The following GSTM4 variants were observed in gnomAD, a reference collection of about 807,000 sequenced individuals.
GSTM4 encodes glutathione S-transferase mu 4, also known as GST class-mu 4.
Under a neutral mutation model 30.1 loss-of-function variants are expected in GSTM4, and 27 were observed. The observed-to-expected ratio is 0.90, with a 90% confidence interval of 0.66 to 1.24. The LOEUF is 1.24. Ranked by LOEUF, GSTM4 falls within the 50% of genes most tolerant of loss-of-function variation. GSTM4 has a pLI of 0.00. For synonymous variants in GSTM4, 94 were observed against 96.2 expected (o/e 0.98, Z 0.13); for missense variants, 238 against 272.1 (o/e 0.87, Z 0.88).
downstream of GSTM4, chr1:109,665,232 C>T (rs749539427): frequency 4.8e-6 from 3 of 624,744 alleles, no homozygotes; most frequent in Non-Finnish European, 8.7e-6. Flanking sequence ...TGAATTTGAC[C>T]TCTCTGACTG....
chr1:109,661,615 G>T lies in GSTM4; in HGVS notation c.*361G>T. ...GCCCTGAGCTGTCCCCGTGTTGCATGACAGCATTGACTGGTTTACAGGCCC... is the reference window on the plus strand; with the variant it reads ...GCCCTGAGCTGTCCCCGTGTTGCATTACAGCATTGACTGGTTTACAGGCCC... On this transcript the variant is annotated 3_prime_UTR_variant, in exon 8 of 8. Transcript: ENST00000369836. 1 of 1,209,812 alleles carries T rather than the reference G, an allele frequency of 8.3e-7. No homozygotes were observed. Among genetic ancestry groups the T allele is most frequent in the African/African-American group, 1.5e-5 (1 of 65,494 alleles). 74.9% of individuals were successfully genotyped at this position (1,209,812 alleles called of 1,614,324 possible).
At chr1:109,667,708 G>A (rs1400074373), downstream of GSTM4, among the ~76,000 whole-genome samples, 2 of 152,156 alleles carry the variant, frequency 1.3e-5, no homozygotes, top group Non-Finnish European at 2.9e-5. Flanking sequence ...GAATCCCTGA[G>A]CACCAAATGT....
At position 109,656,460 on chromosome 1, in the gene GSTM4, G is replaced by T. The variant is rs199539254; in HGVS notation, c.36+35G>T. On this transcript the variant is annotated intron_variant, in intron 1 of 7. Transcript: ENST00000369836. ...GGTCCGCTGCACTGTGGGACCGGGC[G>T]CGTGGGCGGGAAGTGCCGAGCGGCT... is the stretch of plus-strand genomic sequence containing the variant. 9,261 of 1,612,896 alleles carry T rather than the reference G, an allele frequency of 5.7e-3. 38 individuals are homozygous for T. The highest frequency in any genetic ancestry group is 6.9e-3 in the Non-Finnish European group (8,166 of 1,178,902).
At chr1:109,659,423 G>A in intron 7 of GSTM4, 1 of 1,360,902 alleles carries the variant, frequency 7.3e-7, no homozygotes, top group Non-Finnish European at 9.7e-7. Context: ...ATCTATGGGT[G>A]GCAGTCAGGG....
At chr1:109,658,721 C>T (rs1652153191) in intron 5 of GSTM4, 93 bp from the exon 6 acceptor site, 10 of 866,724 alleles carry the variant, frequency 1.2e-5, no homozygotes, top group African/African-American at 1.6e-5. Context: ...GCTGCTTGCT[C>T]GTGGCCAGCT....
At chr1:109,660,488 G>T (rs1015714845) in intron 7 of GSTM4, 5 of 154,144 alleles carry the variant, frequency 3.2e-5, no homozygotes, top group African/African-American at 9.6e-5. Flanking sequence ...GGAATGATTA[G>T]AGCCTGGTCT....
downstream of GSTM4, among the ~76,000 whole-genome samples, chr1:109,664,577 C>G (rs1647237333): frequency 6.6e-6 from 1 of 151,596 alleles, no homozygotes; most frequent in African/African-American, 2.4e-5. Context: ...CCAGGCTGGT[C>G]TCGAACTCCT....
intron 1 of GSTM4, 125 bp downstream of exon 1, chr1:109,656,550 C>CTG (rs57680849): frequency 0.091 from 47,764 of 522,698 alleles, 310 homozygotes; most frequent in East Asian, 0.19. Flanking sequence ...CTGTGCATGC[C>CTG]TGTGTGTGTG....
chr1:109,665,118 AG>A, downstream of GSTM4: 3 of 875,528 alleles, frequency 3.4e-6, no homozygotes, highest in South Asian at 3.9e-5. Flanking sequence ...TGTTTCCAGA[AG>A]AGATTTGCCT....
chr1:109,660,767 G>A (rs113660460), intron 7 of GSTM4: 280 of 215,040 alleles, frequency 1.3e-3, no homozygotes, highest in Non-Finnish European at 2.0e-3. Flanking sequence ...ACCAGTCTAC[G>A]TTGCAGCTCT....
rs1389910415 is a variant in GSTM4, at chr1:109,658,911, T to A, written c.456+2T>A. The A allele has an allele frequency of 2.5e-6, 4 of 1,612,640 alleles. No homozygotes were observed. The highest frequency in any genetic ancestry group is 1.7e-6 in the Non-Finnish European group (2 of 1,178,714). On this transcript the variant is annotated splice_donor_variant, in intron 6 of 7. Transcript: ENST00000369836. LOFTEE classifies it high-confidence loss of function. Reference sequence around the variant, plus strand: ...AGGCCATGGTTTGTTGGAGACAAGGTAATGGGGGCATGTGATGAGGACACT... The same window carrying A: ...AGGCCATGGTTTGTTGGAGACAAGGAAATGGGGGCATGTGATGAGGACACT...
At chr1:109,664,312 A>G (rs1419471786), downstream of GSTM4, among the ~76,000 whole-genome samples, 1 of 136,646 alleles carries the variant, frequency 7.3e-6, no homozygotes, top group Non-Finnish European at 1.5e-5. Flanking sequence ...TGGTATTATC[A>G]TAGATAAATT....
chr1:109,658,131 C>G (rs1160225134), intron 5 of GSTM4: 2 of 492,282 alleles, frequency 4.1e-6, no homozygotes, highest in Non-Finnish European at 7.4e-6. Context: ...ACCTCTGACC[C>G]CTGACCTCTG....
intron 5 of GSTM4, 152 bp from the exon 6 acceptor site, chr1:109,658,662 T>C: frequency 1.5e-6 from 1 of 673,122 alleles, no homozygotes; most frequent in South Asian, 1.8e-5. Context: ...TGGAGTGTAA[T>C]AAATGCTGGT....
At chr1:109,658,735 G>A in intron 5 of GSTM4, 79 bp from the exon 6 acceptor site, 1 of 1,009,440 alleles carries the variant, frequency 9.9e-7, no homozygotes, top group South Asian at 1.3e-5. Context: ...GCCAGCTGGG[G>A]CCATACACAG....
rs561158838 is a variant in GSTM4, at chr1:109,661,507, A to G, written c.*253A>G. ...CCCTCCCAACACTACCCTTCCCTGC[A>G]CTAAAGCCAGCCTGACCTTCCTTCC... is the stretch of plus-strand genomic sequence containing the variant. On this transcript the variant is annotated 3_prime_UTR_variant, in exon 8 of 8. Coordinates refer to ENST00000369836, the MANE Select transcript of GSTM4 (RefSeq NM_000850.5). The G allele has an allele frequency of 1.5e-6, 2 of 1,358,322 alleles. No homozygotes were observed. Among genetic ancestry groups the G allele is most frequent in the African/African-American group, 1.5e-5 (1 of 68,488 alleles). 84.1% of individuals were successfully genotyped at this position (1,358,322 alleles called of 1,614,324 possible).
Position 109,658,883 on chromosome 1 carries a change from A to G in GSTM4, c.430A>G (p.Lys144Glu). 1 of 1,613,978 alleles carries G rather than the reference A, an allele frequency of 6.2e-7. No individual in the cohort carries two copies. The highest frequency in any genetic ancestry group is 8.5e-7 in the Non-Finnish European group (1 of 1,179,834). Residue 144 changes from lysine (K) to glutamate (E), a missense_variant, in exon 6 of 8, where the codon AAG becomes GAG. Lys to Glu is a moderately conservative substitution (Grantham distance 56). Coordinates refer to ENST00000369836, the MANE Select transcript of GSTM4 (RefSeq NM_000850.5). ...MMQHFSQFLG[K>E]RPWFVGDKIT... ...GCAGCACTTCTCACAGTTCCTGGGG[A>G]AGAGGCCATGGTTTGTTGGAGACAA...
intron 7 of GSTM4, chr1:109,660,249 C>T (rs1353865917): frequency 6.4e-6 from 1 of 156,440 alleles, no homozygotes; most frequent in African/African-American, 2.4e-5. Flanking sequence ...GAGCTGAGGG[C>T]TGCAGCATAT....
intron 7 of GSTM4, chr1:109,659,459 A>G (rs1256329561): frequency 1.7e-6 from 2 of 1,197,534 alleles, no homozygotes; most frequent in Non-Finnish European, 2.3e-6. Flanking sequence ...CAAAAGAAAG[A>G]AGCCTCAGGC....
Sources: allele counts gnomAD v4.1 joint callset (sites outside exome capture counted in the v4.1 genomes callset), GRCh38; gene constraint gnomAD v4.1.1; transcripts MANE v1.5; gene names NCBI Gene and HGNC (gene_info 2026-07-23, HGNC 2026-07-21).